The following NEB variants were observed in gnomAD, a reference collection of about 807,000 sequenced individuals.
The protein encoded by NEB is nemaline myopathy type 2.
A neutral mutation model predicts 952.2 loss-of-function variants in NEB; 512 were observed. The ratio of observed to expected loss-of-function variants is 0.54; its 90% CI spans 0.50 to 0.58. The LOEUF (loss-of-function observed/expected upper bound fraction) is 0.58, where lower values mean the gene tolerates loss of function less well. Among genes scored for constraint, NEB ranks in the 20% least tolerant of loss-of-function variants. The pLI, the probability that NEB is intolerant of heterozygous loss-of-function variation, is 0.00. For missense variants in NEB, 8,428 were observed against 9,231.1 expected (o/e 0.91, Z 3.56); for synonymous variants, 2,900 against 3,149.8 (o/e 0.92, Z 2.66).
At chr2:151,493,626 T>G in intron 175 of NEB, 149 bp downstream of exon 175, 1 of 737,826 alleles carries the variant, frequency 1.4e-6, no homozygotes, top group Non-Finnish European at 2.1e-6. Flanking sequence ...TGTGACCTCG[T>G]GGGGTTGGTT....
rs1245051084 is a variant in NEB at position 151,567,104 on chromosome 2, G to A, written c.18156+64C>T. 3.7e-6 allele frequency: 5 copies of A among 1,369,572 alleles called. No homozygotes were observed. In the Admixed American group the frequency reaches 6.7e-5, roughly 18 times the overall value. The allele number at this position is 1,369,572 out of a possible 1,614,324, so 84.8% of individuals were successfully genotyped here. ...TTTCAAGCACTTGTGGATCTGGGAT[G>A]TTGCTCATCATTCTCAGAGTGTACC... On this transcript the variant is annotated intron_variant, in intron 114 of 181. Coordinates refer to ENST00000397345, the MANE Select transcript of NEB (RefSeq NM_001164508.2).
Position 151,642,664 on chromosome 2 carries a change from G to A in NEB, c.8283C>T (p.Gly2761=), listed in dbSNP as rs763584465. The A allele has an allele frequency of 3.1e-6, 5 of 1,613,826 alleles. No individual in the cohort carries two copies. In the South Asian group the frequency reaches 5.5e-5, roughly 18 times the overall value. The part of the protein sequence containing the change: ...VNYSEKLYKL[G]LEEAKRKGYD... Reference sequence around the variant, plus strand: ...AACCTTTCCTCTTGGCTTCTTCTAGGCCAAGCTTATACAATTTCTAAAATA... The same window carrying A: ...AACCTTTCCTCTTGGCTTCTTCTAGACCAAGCTTATACAATTTCTAAAATA... The change falls in exon 60 of 182, where the codon GGC becomes GGT. Residue 2761 remains glycine, a synonymous_variant. Coordinates refer to ENST00000397345, the MANE Select transcript of NEB (RefSeq NM_001164508.2).
chr2:151,570,674 A>G, intron 107 of NEB, 73 bp from the exon 108 acceptor site: 1 of 1,359,418 alleles, frequency 7.4e-7, no homozygotes, highest in Non-Finnish European at 1.0e-6. Flanking sequence ...AGGTGGAATT[A>G]ATACCACAGG....
At chr2:151,659,828 A>G (rs2099126821) in intron 46 of NEB, among the ~76,000 whole-genome samples, 1 of 152,162 alleles carries the variant, frequency 6.6e-6, no homozygotes. Context: ...ACATATTTGA[A>G]CCTTCTTAAA....
intron 65 of NEB, among the ~76,000 whole-genome samples, chr2:151,633,377 T>TA (rs147846081): frequency 0.25 from 38,193 of 152,080 alleles, 5,616 homozygotes; most frequent in Admixed American, 0.4. Flanking sequence ...CTTCCTTCCT[T>TA]AAAAAAAGAA....
At chr2:151,552,379 G>A (rs887892115) in intron 128 of NEB, among the ~76,000 whole-genome samples, 7 of 152,200 alleles carry the variant, frequency 4.6e-5, no homozygotes, top group African/African-American at 1.7e-4. Context: ...AAATGGCCTA[G>A]ATAGAAATAA....
Position 151,709,390 on chromosome 2 carries a change from T to A in NEB, c.1035+266A>T, listed in dbSNP as rs189628263. ...CAGGCAAATAATAAATTAGGAAATATTGAAGATGGTAATTAGATGTTATTA... is the reference window on the plus strand; with the variant it reads ...CAGGCAAATAATAAATTAGGAAATAATGAAGATGGTAATTAGATGTTATTA... On this transcript the variant is annotated intron_variant, in intron 12 of 181. Coordinates refer to ENST00000397345, the MANE Select transcript of NEB (RefSeq NM_001164508.2). Among the ~76,000 whole-genome samples, 6 of 152,300 alleles carry A rather than the reference T, an allele frequency of 3.9e-5. No individual in the cohort carries two copies. The East Asian group carries it at 1.2e-3, about 29-fold the overall frequency.
chr2:151,719,639 C>G (rs1002530646), intron 9 of NEB, among the ~76,000 whole-genome samples: 1 of 152,182 alleles, frequency 6.6e-6, no homozygotes, highest in Non-Finnish European at 1.5e-5. Context: ...AATCCCAGCA[C>G]TTTGGGAGGC....
Position 151,684,790 on chromosome 2 carries a change from C to T in NEB, c.2823G>A (p.Ala941=), listed in dbSNP as rs376849181. Residue 941 remains alanine, a synonymous_variant, in exon 28 of 182, where the codon GCG becomes GCA. Coordinates refer to ENST00000397345, the MANE Select transcript of NEB (RefSeq NM_001164508.2). The part of the protein sequence containing the change: ...INVDLAKKAY[A]LQSDVEYKAD... ...CCTGGTTACTCACATCGCTCTGCAG[C>T]GCATATGCCTTCTTGGCAAGGTCCA... is the stretch of plus-strand genomic sequence containing the variant. The T allele has an allele frequency of 1.1e-4, 176 of 1,601,842 alleles. 1 individual carries two copies. The highest frequency in any genetic ancestry group is 4.6e-4 in the African/African-American group (34 of 74,646).
Position 151,724,836 on chromosome 2 carries a change from C to G in NEB, c.507+21G>C, listed in dbSNP as rs139885226. 6.0e-5 allele frequency: 96 copies of G among 1,591,958 alleles called. 1 individual carries two copies. In the East Asian group the frequency reaches 2.0e-3, roughly 33 times the overall value. ...ATGCACATGCTACTGAGTACCCCAGCCATCCATATCATTGCCTTACCTTAC... is the reference window on the plus strand; with the variant it reads ...ATGCACATGCTACTGAGTACCCCAGGCATCCATATCATTGCCTTACCTTAC... On this transcript the variant is annotated intron_variant, in intron 7 of 181. Coordinates refer to ENST00000397345, the MANE Select transcript of NEB (RefSeq NM_001164508.2).
intron 124 of NEB, among the ~76,000 whole-genome samples, chr2:151,556,069 T>G (rs2095633017): frequency 6.6e-6 from 1 of 152,208 alleles, no homozygotes; most frequent in Non-Finnish European, 1.5e-5. Context: ...ATAGTACTTT[T>G]CTTCCAAAAT....
chr2:151,490,304 ATCTCTTATAGTAACCATC>A (rs945853011), intron 180 of NEB, 50 bp downstream of exon 180: 129 of 1,522,740 alleles, frequency 8.5e-5, no homozygotes, highest in Non-Finnish European at 1.1e-4. Flanking sequence ...TACTCAAAGC[ATCTCTTATAGTAACCATC>A]AATGAGCTGG....
intron 67 of NEB, 60 bp downstream of exon 67, chr2:151,630,655 C>T (rs1053285210): frequency 1.5e-6 from 2 of 1,376,966 alleles, no homozygotes; most frequent in African/African-American, 1.4e-5. Context: ...CCAAGAATCT[C>T]CACAAAACTA....
intron 5 of NEB, 80 bp from the exon 6 acceptor site, chr2:151,725,640 A>G (rs974852265): frequency 1.0e-4 from 118 of 1,154,762 alleles, no homozygotes; most frequent in Non-Finnish European, 1.1e-4. Context: ...TTGATAAAAA[A>G]AAATCCTTCA....
In NEB at chr2:151,608,563, A is replaced by G. The variant is rs1398108498; in HGVS notation, c.12444T>C (p.Tyr4148=). The part of the protein sequence containing the change: ...VAQDLVNERL[Y]RTRPEALSFT... The stretch of plus-strand genomic sequence containing the variant: ...ATGACAAAGCTTCTGGACGTGTCCT[A>G]TAGAGTCTTTCATTCACGAGGTCTT... Residue 4148 remains tyrosine, a synonymous_variant, in exon 82 of 182, where the codon TAT becomes TAC. Transcript: ENST00000397345. The G allele has an allele frequency of 4.1e-5, 5 of 122,836 alleles. No homozygotes were observed. The East Asian group carries it at 5.2e-4, about 13-fold the overall frequency. The allele number at this position is 122,836 out of a possible 1,614,324, so 7.6% of individuals were successfully genotyped here.
At chr2:151,733,070 T>C (rs2099812843) in intron 3 of NEB, 51 bp downstream of exon 3, 4 of 1,518,514 alleles carry the variant, frequency 2.6e-6, no homozygotes, top group African/African-American at 1.4e-5. Flanking sequence ...ACAGCTTTGA[T>C]TGTCACTACA....
At chr2:151,526,098 G>C in intron 149 of NEB, 30 bp from the exon 150 acceptor site, 1 of 1,611,382 alleles carries the variant, frequency 6.2e-7, no homozygotes, top group Non-Finnish European at 8.5e-7. Context: ...GCTCATTAAG[G>C]CATCTGCCTG....
At chr2:151,658,804 C>T (rs572249041) in intron 47 of NEB, among the ~76,000 whole-genome samples, 144 of 152,210 alleles carry the variant, frequency 9.5e-4, no homozygotes, top group African/African-American at 3.2e-3. Context: ...TTTCTTTCTA[C>T]CAAATCTCTC....
chr2:151,645,930 C>A (rs1411489613), intron 55 of NEB, among the ~76,000 whole-genome samples, 200 bp downstream of exon 55: 1 of 152,190 alleles, frequency 6.6e-6, no homozygotes, highest in African/African-American at 2.4e-5. Context: ...ACAGAGAATA[C>A]AGACTCCCCA....
Sources: gnomAD v4.1 joint callset for allele counts (sites outside exome capture counted in the v4.1 genomes callset) on GRCh38, gnomAD v4.1.1 for gene constraint, MANE v1.5 for transcripts, NCBI Gene and HGNC (gene_info 2026-07-23, HGNC 2026-07-21) for gene names.